Variants in VWA1 observed in about 807,000 individuals in gnomAD.
VWA1 encodes the protein von Willebrand factor A domain-containing protein 1.
VWA1 carries 12 observed loss-of-function variants against 14.9 expected under a neutral mutation model. The ratio of observed to expected loss-of-function variants is 0.80; its 90% CI spans 0.52 to 1.30. The LOEUF (loss-of-function observed/expected upper bound fraction) is 1.30, where lower values mean the gene tolerates loss of function less well. Among genes scored for constraint, VWA1 ranks in the 50% most tolerant of loss-of-function variants. The pLI is 0.00. For missense variants in VWA1, 800 were observed against 649.1 expected (o/e 1.23, Z -2.53); for synonymous variants, 368 against 310.7 (o/e 1.18, Z -1.94).
At chr1:1,436,758 C>T (rs1275503235) in intron 1 of VWA1, 169 bp from the exon 2 acceptor site, 1 of 664,092 alleles carries the variant, frequency 1.5e-6, no homozygotes, top group South Asian at 2.0e-5. Flanking sequence ...CAGTGAAACC[C>T]CCAAAAGTAC....
At chr1:1,435,905 C>G in intron 1 of VWA1, 84 bp downstream of exon 1, 1 of 858,998 alleles carries the variant, frequency 1.2e-6, no homozygotes, top group Non-Finnish European at 1.4e-6. Context: ...GTCGCTGTCC[C>G]CTGCTCCGGA....
Position 1,439,901 on chromosome 1 carries a change from A to C in VWA1, c.*114A>C. 4.0e-6 allele frequency: 4 copies of C among 1,008,200 alleles called. No individual in the cohort carries two copies. The highest frequency in any genetic ancestry group is 2.4e-6 in the Non-Finnish European group (2 of 841,848). The allele number at this position is 1,008,200 out of a possible 1,614,324, so 62.5% of individuals were successfully genotyped here. ...ACGGGTGCAGGCCCGGCCTTTCCCC[A>C]CGCGGACTCCGCGCGACCCCGGCCC... On this transcript the variant is annotated 3_prime_UTR_variant, in exon 3 of 3. Transcript: ENST00000476993.
Position 1,439,984 on chromosome 1 carries a change from C to T in VWA1, c.*197C>T, listed in dbSNP as rs1638633458. 2 of 582,128 alleles carry T rather than the reference C, an allele frequency of 3.4e-6. No individual in the cohort carries two copies. The highest frequency in any genetic ancestry group is 1.1e-4 in the East Asian group (1 of 8,734). 36.1% of individuals were successfully genotyped at this position (582,128 alleles called of 1,614,324 possible). On this transcript the variant is annotated 3_prime_UTR_variant, in exon 3 of 3. Coordinates refer to ENST00000476993, the MANE Select transcript of VWA1 (RefSeq NM_022834.5). ...CGCCTGCCCTCCAGGGCTGGGGCCT[C>T]GCCTGGCGGGACCCCGCAGCAGCCC... is the stretch of plus-strand genomic sequence containing the variant.
chr1:1,436,679 G>A (rs959947518), intron 1 of VWA1: 16 of 466,998 alleles, frequency 3.4e-5, no homozygotes, highest in African/African-American at 1.8e-4. Flanking sequence ...GGCTTGGAGC[G>A]GAGAGTCGCC....
rs1638600784 is a variant in VWA1, at chr1:1,439,024, C to T, written c.632-57C>T. On this transcript the variant is annotated intron_variant, in intron 2 of 2. Transcript: ENST00000476993. The stretch of plus-strand genomic sequence containing the variant: ...ATCTTCCCCATCAGCCAGGGCCGCC[C>T]TCCAGCAGCGGAGGAGGAACTGACC... 5.8e-6 allele frequency: 9 copies of T among 1,545,754 alleles called. No homozygotes were observed. In the South Asian group the frequency reaches 1.1e-4, roughly 19 times the overall value.
chr1:1,439,242 G>A lies in VWA1; in HGVS notation c.793G>A (p.Ala265Thr), dbSNP rs760950653. The change falls in exon 3 of 3, where the codon GCC becomes ACC. Residue 265 changes from alanine (A) to threonine (T), a missense_variant. Physicochemically the swap from Ala to Thr is moderately conservative, Grantham distance 58. Transcript: ENST00000476993. ...AARRQQLPGN[A>T]TDWIWAGLDP... The stretch of plus-strand genomic sequence containing the variant: ...AAGACGCCAGCAGCTGCCAGGGAAC[G>A]CCACGGACTGGATCTGGGCCGGCCT... 2 of 1,607,222 alleles carry A rather than the reference G, an allele frequency of 1.2e-6. No homozygotes were observed. Among genetic ancestry groups the A allele is most frequent in the African/African-American group, 2.7e-5 (2 of 75,012 alleles).
chr1:1,437,456 T>C lies in VWA1; in HGVS notation c.603T>C (p.Ile201=). ...HFVDVDDLHI[I]VQELRGSILD... is the part of the protein sequence containing the mutation. Reference sequence around the variant, plus strand: ...TGGACGTGGATGACCTGCACATCATTGTCCAAGAGCTGAGGGGCTCCATTC... The same window carrying C: ...TGGACGTGGATGACCTGCACATCATCGTCCAAGAGCTGAGGGGCTCCATTC... Residue 201 remains isoleucine, a synonymous_variant, in exon 2 of 3, where the codon ATT becomes ATC. Coordinates refer to ENST00000476993, the MANE Select transcript of VWA1 (RefSeq NM_022834.5). 3.7e-6 allele frequency: 6 copies of C among 1,610,096 alleles called. No individual in the cohort carries two copies. Among genetic ancestry groups the C allele is most frequent in the Non-Finnish European group, 5.1e-6 (6 of 1,177,854 alleles).
At position 1,439,992 on chromosome 1, in the gene VWA1, G is replaced by A. The variant is rs1299573544; in HGVS notation, c.*205G>A. The A allele has an allele frequency of 1.2e-5, 6 of 507,426 alleles. 1 individual carries two copies. The South Asian group carries it at 5.4e-4, about 46-fold the overall frequency. 31.4% of individuals were successfully genotyped at this position (507,426 alleles called of 1,614,324 possible). ...CTCCAGGGCTGGGGCCTCGCCTGGC[G>A]GGACCCCGCAGCAGCCCCGGCCCCA... is the stretch of plus-strand genomic sequence containing the variant. On this transcript the variant is annotated 3_prime_UTR_variant, in exon 3 of 3. Transcript: ENST00000476993.
chr1:1,437,600 G>A, intron 2 of VWA1, 116 bp downstream of exon 2: 2 of 1,315,536 alleles, frequency 1.5e-6, no homozygotes, highest in South Asian at 1.4e-5. Context: ...GGCCTCCGGG[G>A]CTGTGGTACC....
chr1:1,436,207 G>T (rs977937374), intron 1 of VWA1, among the ~76,000 whole-genome samples: 1 of 152,240 alleles, frequency 6.6e-6, no homozygotes, highest in Non-Finnish European at 1.5e-5. Flanking sequence ...CGCAAGGCCG[G>T]GACTAGAATT....
Position 1,439,832 on chromosome 1 carries a change from GC to G in VWA1, c.*49del, listed in dbSNP as rs1235035563. Reference sequence around the variant, plus strand: ...CGAGAGGGCCGGCGCCTACCTGAGGGCCCCTGTGTCCCGAACCCGGAGCGGA... The same window carrying G: ...CGAGAGGGCCGGCGCCTACCTGAGGGCCCTGTGTCCCGAACCCGGAGCGGA... On this transcript the variant is annotated 3_prime_UTR_variant, in exon 3 of 3. Transcript: ENST00000476993. The G allele has an allele frequency of 9.4e-7, 1 of 1,058,446 alleles. No homozygotes were observed. The highest frequency in any genetic ancestry group is 1.1e-6 in the Non-Finnish European group (1 of 876,112). 65.6% of individuals were successfully genotyped at this position (1,058,446 alleles called of 1,614,324 possible).
chr1:1,439,052 T>C, intron 2 of VWA1, 29 bp from the exon 3 acceptor site: 1 of 1,589,366 alleles, frequency 6.3e-7, no homozygotes, highest in South Asian at 1.1e-5. Flanking sequence ...AACTGACCGC[T>C]GTTCCCTGAC....
Position 1,442,305 on chromosome 1 carries a change from T to A in VWA1, c.*2518T>A, listed in dbSNP as rs557861770. 10 of 152,310 alleles carry A rather than the reference T, an allele frequency of 6.6e-5. No homozygotes were observed. The highest frequency in any genetic ancestry group is 9.6e-5 in the African/African-American group (4 of 41,472). 9.4% of individuals were successfully genotyped at this position (152,310 alleles called of 1,614,324 possible). A position where few individuals can be genotyped will look rare whatever the true frequency, so the allele number is the denominator to read the frequency against. On this transcript the variant is annotated 3_prime_UTR_variant, in exon 3 of 3. Coordinates refer to ENST00000476993, the MANE Select transcript of VWA1 (RefSeq NM_022834.5). ...CACGTCACAAGGCCACTGCACGCTT[T>A]TCGACATGCACCTGGAAATCGGGAA...
At chr1:1,435,926 G>T in intron 1 of VWA1, 105 bp downstream of exon 1, 1 of 777,364 alleles carries the variant, frequency 1.3e-6, no homozygotes, top group South Asian at 5.6e-5. Flanking sequence ...CGGGCGGGCG[G>T]GCTGGGAGGC....
In VWA1 at chr1:1,439,473, C is replaced by T. The variant is rs1422661182; in HGVS notation, c.1024C>T (p.His342Tyr). The T allele has an allele frequency of 8.4e-6, 12 of 1,422,568 alleles. No homozygotes were observed. The highest frequency in any genetic ancestry group is 5.7e-5 in the Admixed American group (2 of 35,162). The allele number at this position is 1,422,568 out of a possible 1,614,324, so 88.1% of individuals were successfully genotyped here. Reference protein sequence around the residue: ...EAGPERIVISHARPRSLRVSW... With the variant: ...EAGPERIVISYARPRSLRVSW... ...CGGGCCAGAGCGCATCGTCATCTCCCACGCCCGGCCGCGCAGCCTCCGCGT... is the reference window on the plus strand; with the variant it reads ...CGGGCCAGAGCGCATCGTCATCTCCTACGCCCGGCCGCGCAGCCTCCGCGT... The change falls in exon 3 of 3, where the codon CAC (histidine) becomes TAC (tyrosine). Residue 342 changes from histidine to tyrosine, a missense_variant. By Grantham distance (83) the His-to-Tyr change is moderately conservative. Transcript: ENST00000476993.
chr1:1,439,527 G>T lies in VWA1; in HGVS notation c.1078G>T (p.Ala360Ser). The T allele has an allele frequency of 1.5e-6, 2 of 1,363,706 alleles. No individual in the cohort carries two copies. The highest frequency in any genetic ancestry group is 1.5e-5 in the South Asian group (1 of 64,984). 84.5% of individuals were successfully genotyped at this position (1,363,706 alleles called of 1,614,324 possible). The stretch of plus-strand genomic sequence containing the variant: ...TTGGGCCCCAGCGCTGGGCTCAGCC[G>T]CGGCGCTCGGCTACCACGTGCAGTT... ...VSWAPALGSA[A>S]ALGYHVQFGP... The change falls in exon 3 of 3, where the codon GCG becomes TCG. Residue 360 changes from alanine (A) to serine (S), a missense_variant. Ala to Ser is a moderately conservative substitution (Grantham distance 99, BLOSUM62 1). Coordinates refer to ENST00000476993, the MANE Select transcript of VWA1 (RefSeq NM_022834.5).
chr1:1,439,602 C>G lies in VWA1; in HGVS notation c.1153C>G (p.Arg385Gly). ...GCAGCGGGTGGAGGTGCCCGCGGGCCGCAACTGCACCACGCTGCAGGGCCT... is the reference window on the plus strand; with the variant it reads ...GCAGCGGGTGGAGGTGCCCGCGGGCGGCAACTGCACCACGCTGCAGGGCCT... ...EAQRVEVPAG[R>G]NCTTLQGLAP... Residue 385 changes from arginine (R) to glycine (G), a missense_variant, in exon 3 of 3, where the codon CGC becomes GGC. By Grantham distance (125) the Arg-to-Gly change is moderately radical (BLOSUM62 -2). Coordinates refer to ENST00000476993, the MANE Select transcript of VWA1 (RefSeq NM_022834.5). 7.7e-7 allele frequency: 1 copy of G among 1,300,478 alleles called. No individual in the cohort carries two copies. Among genetic ancestry groups the G allele is most frequent in the Non-Finnish European group, 9.8e-7 (1 of 1,024,082 alleles). 80.6% of individuals were successfully genotyped at this position (1,300,478 alleles called of 1,614,324 possible). A position where few individuals can be genotyped will look rare whatever the true frequency, so the allele number is the denominator to read the frequency against.
rs554808394 is a variant in VWA1 at position 1,441,105 on chromosome 1, T to C, written c.*1318T>C. The C allele has an allele frequency of 6.6e-6, 1 of 152,264 alleles. No homozygotes were observed. The highest frequency in any genetic ancestry group is 1.9e-4 in the East Asian group (1 of 5,146). 9.4% of individuals were successfully genotyped at this position (152,264 alleles called of 1,614,324 possible). On this transcript the variant is annotated 3_prime_UTR_variant, in exon 3 of 3. Coordinates refer to ENST00000476993, the MANE Select transcript of VWA1 (RefSeq NM_022834.5). The stretch of plus-strand genomic sequence containing the variant: ...TGGCAAAGCCACACCCTGCACCGCA[T>C]GGGGTCCACTGCCCCTTTCCCCACG...
At position 1,439,947 on chromosome 1, in the gene VWA1, T is replaced by G. The variant is rs1638632029; in HGVS notation, c.*160T>G. 6.9e-6 allele frequency: 6 copies of G among 871,424 alleles called. No individual in the cohort carries two copies. Among genetic ancestry groups the G allele is most frequent in the Non-Finnish European group, 7.0e-6 (5 of 715,260 alleles). 54.0% of individuals were successfully genotyped at this position (871,424 alleles called of 1,614,324 possible). On this transcript the variant is annotated 3_prime_UTR_variant, in exon 3 of 3. Coordinates refer to ENST00000476993, the MANE Select transcript of VWA1 (RefSeq NM_022834.5). ...GGCCCTCTCCCTGCGGCCGCAGGGC[T>G]TCCCCGCCTGGCGCCTGCCCTCCAG...
Sources: gnomAD v4.1 joint callset for allele counts (sites outside exome capture counted in the v4.1 genomes callset) on GRCh38, gnomAD v4.1.1 for gene constraint, MANE v1.5 for transcripts, NCBI Gene and HGNC (gene_info 2026-07-23, HGNC 2026-07-21) for gene names.